Variants in SIRPD observed in about 807,000 individuals in gnomAD.
SIRPD encodes the protein signal-regulatory protein delta.
In SIRPD, 21 loss-of-function variants were observed where a neutral mutation model predicts 18.0. That is an observed-to-expected ratio of 1.17 (90% confidence interval 0.83 to 1.68). The LOEUF (loss-of-function observed/expected upper bound fraction) is 1.68, where lower values mean the gene tolerates loss of function less well. SIRPD is among the 40% of genes most tolerant of loss of function. The pLI is 0.00. For synonymous variants in SIRPD, 106 were observed against 92.9 expected, an observed-to-expected ratio of 1.14 and a Z score of -0.81; for missense variants, 295 against 238.4, an observed-to-expected ratio of 1.24 and a Z score of -1.56.
intron 1 of SIRPD, among the ~76,000 whole-genome samples, chr20:1,555,572 T>A (rs1340437981): frequency 6.6e-6 from 1 of 152,220 alleles, no homozygotes; most frequent in African/African-American, 2.4e-5. Flanking sequence ...TAGACATGTA[T>A]AAGAACATCA....
chr20:1,551,426 G>A lies in SIRPD; in HGVS notation c.421+265C>T, dbSNP rs557294173. Reference sequence around the variant, plus strand: ...TAGCAGGGAACATGGAATTATCCTAGTTGGCTTAGGTTAGTCATGGGGGTG... The same window carrying A: ...TAGCAGGGAACATGGAATTATCCTAATTGGCTTAGGTTAGTCATGGGGGTG... On this transcript the variant is annotated intron_variant, in intron 2 of 3. Coordinates refer to ENST00000381623, the MANE Select transcript of SIRPD (RefSeq NM_178460.3). 2.6e-5 allele frequency among the ~76,000 whole-genome samples: 4 copies of A among 152,300 alleles called. No individual in the cohort carries two copies. The East Asian group carries it at 5.8e-4, about 22-fold the overall frequency.
At chr20:1,556,802 A>G (rs774581213) in intron 1 of SIRPD, among the ~76,000 whole-genome samples, 8 of 152,180 alleles carry the variant, frequency 5.3e-5, no homozygotes, top group Non-Finnish European at 8.8e-5. Context: ...GAAAGAACCA[A>G]CCCTGCCCAC....
intron 2 of SIRPD, among the ~76,000 whole-genome samples, chr20:1,545,600 T>A (rs2090990173): frequency 6.6e-6 from 1 of 152,260 alleles, no homozygotes; most frequent in South Asian, 2.1e-4. Flanking sequence ...TTACCCGCCA[T>A]CTGAAGCCTA....
intron 3 of SIRPD, 71 bp downstream of exon 3, chr20:1,537,084 G>A (rs1268651351): frequency 9.0e-6 from 14 of 1,558,938 alleles, no homozygotes; most frequent in Admixed American, 1.8e-5. Context: ...ACTGCAGGTG[G>A]CGAAATGGTA....
chr20:1,544,504 T>C (rs1483744470), intron 2 of SIRPD, among the ~76,000 whole-genome samples: 1 of 152,102 alleles, frequency 6.6e-6, no homozygotes, highest in Non-Finnish European at 1.5e-5. Context: ...TTTGAGCCTA[T>C]GTGTATCTTT....
intron 2 of SIRPD, among the ~76,000 whole-genome samples, chr20:1,544,257 A>C (rs2090983910): frequency 6.6e-6 from 1 of 152,176 alleles, no homozygotes; most frequent in South Asian, 2.1e-4. Context: ...ATGTCTTTGT[A>C]GGTCTCTAAG....
At chr20:1,541,950 G>C (rs1348931263) in intron 2 of SIRPD, among the ~76,000 whole-genome samples, 1 of 152,118 alleles carries the variant, frequency 6.6e-6, no homozygotes, top group African/African-American at 2.4e-5. Context: ...GATGGTTGTA[G>C]ATGTGTGGTG....
chr20:1,536,430 C>G (rs2090945875), intron 3 of SIRPD, among the ~76,000 whole-genome samples: 1 of 136,220 alleles, frequency 7.3e-6, no homozygotes, highest in Non-Finnish European at 1.6e-5. Flanking sequence ...AATGCCTGTG[C>G]TTTTAACCAC....
At chr20:1,551,580 GTTGTACCTTCAA>G (rs930820145) in intron 2 of SIRPD, 99 bp downstream of exon 2, 1 of 828,322 alleles carries the variant, frequency 1.2e-6, no homozygotes, top group Non-Finnish European at 1.9e-6. Context: ...TCAAATGTAT[GTTGTACCTTCAA>G]TAATATTTGG....
intron 2 of SIRPD, among the ~76,000 whole-genome samples, chr20:1,540,508 T>G (rs747890046): frequency 6.6e-6 from 1 of 152,238 alleles, no homozygotes; most frequent in Non-Finnish European, 1.5e-5. Context: ...ATGCCTTTCA[T>G]GTAATAACCT....
intron 1 of SIRPD, among the ~76,000 whole-genome samples, chr20:1,556,383 C>A (rs1410442512): frequency 2.0e-5 from 3 of 152,180 alleles, no homozygotes; most frequent in Non-Finnish European, 2.9e-5. Flanking sequence ...TTTATAGTTA[C>A]CCTTCCTATG....
intron 3 of SIRPD, among the ~76,000 whole-genome samples, chr20:1,534,729 G>A (rs898514303): frequency 6.6e-6 from 1 of 152,166 alleles, no homozygotes; most frequent in Non-Finnish European, 1.5e-5. Flanking sequence ...AACCAAATCT[G>A]TTTTGGTCCC....
intron 1 of SIRPD, among the ~76,000 whole-genome samples, chr20:1,554,512 G>A (rs1486057167): frequency 1.3e-5 from 2 of 152,078 alleles, no homozygotes; most frequent in South Asian, 2.1e-4. Context: ...CTTCTGCATC[G>A]GGATATGAGG....
intron 2 of SIRPD, among the ~76,000 whole-genome samples, chr20:1,544,681 G>T (rs1475396047): frequency 6.6e-6 from 1 of 152,064 alleles, no homozygotes; most frequent in Non-Finnish European, 1.5e-5. Context: ...TGGTTATGTT[G>T]CCCATTAGTT....
intron 2 of SIRPD, among the ~76,000 whole-genome samples, chr20:1,551,392 G>A (rs2091018188): frequency 6.6e-6 from 1 of 152,184 alleles, no homozygotes. Flanking sequence ...CCATATTTGA[G>A]TAAACCTCTA....
intron 2 of SIRPD, among the ~76,000 whole-genome samples, chr20:1,544,557 T>A (rs1404230402): frequency 6.6e-6 from 1 of 152,154 alleles, no homozygotes; most frequent in Non-Finnish European, 1.5e-5. Context: ...CCGATGGGTC[T>A]TGACTCTTTA....
intron 3 of SIRPD, among the ~76,000 whole-genome samples, chr20:1,535,020 C>T (rs2090939342): frequency 1.3e-5 from 2 of 152,066 alleles, no homozygotes; most frequent in Admixed American, 6.5e-5. Context: ...GATGCATGGC[C>T]CATGTCCAAG....
At chr20:1,547,444 A>T (rs1054664629) in intron 2 of SIRPD, among the ~76,000 whole-genome samples, 1 of 152,116 alleles carries the variant, frequency 6.6e-6, no homozygotes, top group Non-Finnish European at 1.5e-5. Flanking sequence ...ATTTTTAGAG[A>T]TGAGATTTCA....
chr20:1,543,305 C>T (rs992121242), intron 2 of SIRPD, among the ~76,000 whole-genome samples: 5 of 152,116 alleles, frequency 3.3e-5, no homozygotes, highest in African/African-American at 7.2e-5. Flanking sequence ...GCCTCAATTT[C>T]GGAACTTGTT....
Sources: allele counts gnomAD v4.1 joint callset (sites outside exome capture counted in the v4.1 genomes callset), GRCh38; gene constraint gnomAD v4.1.1; transcripts MANE v1.5; gene names NCBI Gene and HGNC (gene_info 2026-07-23, HGNC 2026-07-21).